The following GFRA1 variants were observed in gnomAD, a reference collection of about 807,000 sequenced individuals.
GFRA1 encodes the protein GDNF family receptor alpha 1.
GFRA1 carries 16 observed loss-of-function variants against 51.6 expected under a neutral mutation model. The observed-to-expected ratio is 0.31, with a 90% CI of 0.21 to 0.47. GFRA1 has a LOEUF of 0.47. Ranked by LOEUF, GFRA1 falls within the 20% of genes least tolerant of loss-of-function variation. GFRA1 has a pLI of 1.00. For synonymous variants in GFRA1, 270 were observed against 241.3 expected (o/e 1.12, Z -1.10); for missense variants, 530 against 594.3 (o/e 0.89, Z 1.13).
At chr10:116,080,574 A>T (rs1388321735) in intron 9 of GFRA1, among the ~76,000 whole-genome samples, 1 of 152,238 alleles carries the variant, frequency 6.6e-6, no homozygotes, top group Non-Finnish European at 1.5e-5. Flanking sequence ...ACCAACTCTG[A>T]TGAGGCGTTG....
At position 116,061,929 on chromosome 10, in the gene GFRA1, G is replaced by A. The variant is rs536365661; in HGVS notation, c.*2469C>T. 154 of 398,396 alleles carry A rather than the reference G, an allele frequency of 3.9e-4. No individual in the cohort carries two copies. Among genetic ancestry groups the A allele is most frequent in the African/African-American group, 2.8e-3 (138 of 48,740 alleles). 24.7% of individuals were successfully genotyped at this position (398,396 alleles called of 1,614,324 possible). A position where few individuals can be genotyped will look rare whatever the true frequency, so the allele number is the denominator to read the frequency against. ...AGAATCTCTCTAACGTGTTGTCCCT[G>A]AACAAGATGCTTCCCCCTATTTATT... On this transcript the variant is annotated 3_prime_UTR_variant, in exon 11 of 11. Coordinates refer to ENST00000355422, the MANE Select transcript of GFRA1 (RefSeq NM_005264.8).
intron 9 of GFRA1, among the ~76,000 whole-genome samples, chr10:116,086,417 C>T (rs1054380946): frequency 6.6e-6 from 1 of 152,176 alleles, no homozygotes; most frequent in East Asian, 1.9e-4. Context: ...CTCTCAACTC[C>T]GGCAGCTAAG....
In GFRA1 at chr10:116,062,432, G is replaced by A; in HGVS notation, c.*1966C>T. 1 of 275,002 alleles carries A rather than the reference G, an allele frequency of 3.6e-6. No individual in the cohort carries two copies. Among genetic ancestry groups the A allele is most frequent in the African/African-American group, 2.2e-5 (1 of 45,928 alleles). The allele number at this position is 275,002 out of a possible 1,614,324, so 17.0% of individuals were successfully genotyped here. On this transcript the variant is annotated 3_prime_UTR_variant, in exon 11 of 11. Coordinates refer to ENST00000355422, the MANE Select transcript of GFRA1 (RefSeq NM_005264.8). ...ATTTCCCTTGAAAACATTTTGAAGT[G>A]AAAAAAGTCAGTACTGAGTACTGTA...
intron 5 of GFRA1, among the ~76,000 whole-genome samples, chr10:116,134,672 T>A (rs1269533764): frequency 6.6e-6 from 1 of 152,258 alleles, no homozygotes; most frequent in African/African-American, 2.4e-5. Context: ...TACATTAAGC[T>A]GCAAGCCATA....
intron 6 of GFRA1, among the ~76,000 whole-genome samples, chr10:116,120,449 G>A (rs1341824162): frequency 6.6e-6 from 1 of 152,028 alleles, no homozygotes; most frequent in African/African-American, 2.4e-5. Flanking sequence ...GCCAGGCATG[G>A]TAGCATGCAC....
At chr10:116,211,053 T>A (rs1393488707) in intron 5 of GFRA1, among the ~76,000 whole-genome samples, 1 of 152,120 alleles carries the variant, frequency 6.6e-6, no homozygotes, top group Non-Finnish European at 1.5e-5. Flanking sequence ...CACCTCCAGC[T>A]CCTCAGAGCA....
intron 4 of GFRA1, among the ~76,000 whole-genome samples, chr10:116,252,903 G>A (rs1968504325): frequency 6.6e-6 from 1 of 152,194 alleles, no homozygotes; most frequent in Non-Finnish European, 1.5e-5. Flanking sequence ...GATGAAGTCA[G>A]GATGCAAACT....
chr10:116,124,303 C>A lies in GFRA1; in HGVS notation c.770+918G>T, dbSNP rs1032429178. On this transcript the variant is annotated intron_variant, in intron 6 of 10. Transcript: ENST00000355422. The stretch of plus-strand genomic sequence containing the variant: ...GGAGTGCAGTGGTGCCATCTCGCCT[C>A]ACTGCAACCTCCACCTCCCAGGTTC... Among the ~76,000 whole-genome samples the A allele has an allele frequency of 8.6e-5, 13 of 151,910 alleles. No individual in the cohort carries two copies. In the East Asian group the frequency reaches 2.3e-3, roughly 27 times the overall value.
In GFRA1 at chr10:116,271,982, C is replaced by G. The variant is rs1450484097; in HGVS notation, c.40+8G>C. 3.9e-6 allele frequency: 6 copies of G among 1,554,112 alleles called. No individual in the cohort carries two copies. The highest frequency in any genetic ancestry group is 5.2e-6 in the Non-Finnish European group (6 of 1,148,760). ...GGGTAAGAAAGCCCGCGGCGGGCCT[C>G]GACTTACCCAAGAGCGGCAGCGCGA... On this transcript the variant is annotated splice_region_variant and intron_variant, in intron 2 of 10. Coordinates refer to ENST00000355422, the MANE Select transcript of GFRA1 (RefSeq NM_005264.8).
intron 4 of GFRA1, among the ~76,000 whole-genome samples, chr10:116,258,417 A>AAT (rs1565685693): frequency 3.8e-5 from 4 of 104,848 alleles, no homozygotes; most frequent in African/African-American, 1.3e-4. Context: ...TTATATTAAT[A>AAT]AAATAAATAT....
chr10:116,169,920 A>G (rs1960863756), intron 5 of GFRA1, among the ~76,000 whole-genome samples: 1 of 152,158 alleles, frequency 6.6e-6, no homozygotes, highest in Admixed American at 6.5e-5. Context: ...CTGGGGCTCC[A>G]GAGGTTGCTG....
chr10:116,156,503 C>T (rs939299464), intron 5 of GFRA1, among the ~76,000 whole-genome samples: 1 of 152,200 alleles, frequency 6.6e-6, no homozygotes, highest in Non-Finnish European at 1.5e-5. Context: ...TTTGCCCCAA[C>T]ATGGCCCATG....
intron 4 of GFRA1, among the ~76,000 whole-genome samples, chr10:116,242,292 AGTT>A (rs998330573): frequency 1.3e-5 from 2 of 152,194 alleles, no homozygotes; most frequent in Non-Finnish European, 2.9e-5. Context: ...ACTGGCTTCA[AGTT>A]TAAAGTTTTG....
intron 5 of GFRA1, among the ~76,000 whole-genome samples, chr10:116,145,078 G>T (rs578085588): frequency 3.3e-5 from 5 of 149,466 alleles, no homozygotes; most frequent in Admixed American, 2.7e-4. Context: ...GAACCCGGGA[G>T]GTGGAGGTTG....
intron 8 of GFRA1, among the ~76,000 whole-genome samples, chr10:116,090,176 T>C (rs1302038455): frequency 3.1e-4 from 47 of 152,140 alleles, no homozygotes; most frequent in Non-Finnish European, 1.2e-4. Flanking sequence ...ATTTATTGTG[T>C]TCCTGTTTAC....
intron 4 of GFRA1, among the ~76,000 whole-genome samples, chr10:116,248,349 A>C (rs1044430443): frequency 6.6e-6 from 1 of 152,168 alleles, no homozygotes; most frequent in African/African-American, 2.4e-5. Flanking sequence ...CAATGCAATC[A>C]GGCGGGAAAG....
chr10:116,267,885 C>T (rs781490621), intron 4 of GFRA1, among the ~76,000 whole-genome samples: 2 of 151,874 alleles, frequency 1.3e-5, no homozygotes, highest in African/African-American at 2.4e-5. Context: ...CATTTGAATT[C>T]CTCTTACACT....
chr10:116,066,794 C>CA (rs1555142621), intron 9 of GFRA1, among the ~76,000 whole-genome samples: 2 of 152,174 alleles, frequency 1.3e-5, no homozygotes, highest in South Asian at 2.1e-4. Context: ...CACTGACAGA[C>CA]AGAGAGCTTA....
intron 4 of GFRA1, among the ~76,000 whole-genome samples, chr10:116,212,295 G>A (rs373429919): frequency 1.2e-4 from 19 of 152,100 alleles, no homozygotes; most frequent in African/African-American, 3.4e-4. Context: ...TGAGGCAGGC[G>A]GATCACCTGA....
Sources: gnomAD v4.1 joint callset for allele counts (sites outside exome capture counted in the v4.1 genomes callset) on GRCh38, gnomAD v4.1.1 for gene constraint, MANE v1.5 for transcripts, NCBI Gene and HGNC (gene_info 2026-07-23, HGNC 2026-07-21) for gene names.